Variants in DNAH2 observed in about 807,000 individuals in gnomAD.
DNAH2 encodes dynein axonemal heavy chain 2.
A neutral mutation model predicts 523.5 loss-of-function variants in DNAH2; 323 were observed. The observed-to-expected ratio is 0.62, with a 90% CI of 0.56 to 0.68. The LOEUF (loss-of-function observed/expected upper bound fraction) is 0.68, where lower values mean the gene tolerates loss of function less well. DNAH2 is among the 30% of genes least tolerant of loss of function. DNAH2 has a pLI of 0.00. For missense variants in DNAH2, 4,907 were observed against 5,701.5 expected, an observed-to-expected ratio of 0.86 and a Z score of 4.49; for synonymous variants, 2,093 against 2,177.4, an observed-to-expected ratio of 0.96 and a Z score of 1.08.
intron 2 of DNAH2, among the ~76,000 whole-genome samples, chr17:7,722,188 G>C (rs1414097634): frequency 1.7e-4 from 1 of 5,854 alleles, no homozygotes; most frequent in Non-Finnish European, 3.1e-4. Flanking sequence ...TTATAGAGAC[G>C]GGGGGGGGGG....
rs778062887 is a variant in DNAH2, at chr17:7,804,380, A to G, written c.9097A>G (p.Lys3033Glu). ...GTCGTTGGAGCTGGAGGATGCCAAG[A>G]AGAAGGTGGCTGAGTTCCAGAAGCA... is the stretch of plus-strand genomic sequence containing the variant. Reference protein sequence around the residue: ...VMSLELEDAKKKVAEFQKQCE... With the variant: ...VMSLELEDAKEKVAEFQKQCE... The change falls in exon 59 of 86, where the codon AAG becomes GAG. Residue 3033 changes from lysine (K) to glutamate (E), a missense_variant. Physicochemically the swap from Lys to Glu is moderately conservative, Grantham distance 56 (BLOSUM62 1). This residue lies in a region of DNAH2 where 1,851 missense variants were observed against 2,139.4 expected (regional missense o/e 0.87). Transcript: ENST00000572933. 6.8e-6 allele frequency: 11 copies of G among 1,614,154 alleles called. No homozygotes were observed. The highest frequency in any genetic ancestry group is 9.3e-6 in the Non-Finnish European group (11 of 1,180,026).
chr17:7,778,538 C>G (rs2076520160), intron 35 of DNAH2, 69 bp downstream of exon 35: 1 of 1,446,396 alleles, frequency 6.9e-7, no homozygotes, highest in East Asian at 2.4e-5. Context: ...TAAACTGAAA[C>G]CCAAATCTGG....
intron 2 of DNAH2, among the ~76,000 whole-genome samples, chr17:7,722,835 G>A (rs984397257): frequency 3.3e-5 from 5 of 152,026 alleles, no homozygotes; most frequent in Admixed American, 1.3e-4. Flanking sequence ...GAATAATGCT[G>A]CTACGAATGC....
chr17:7,734,897 A>G (rs1335757390), intron 7 of DNAH2, among the ~76,000 whole-genome samples, 189 bp downstream of exon 7: 1 of 151,884 alleles, frequency 6.6e-6, no homozygotes, highest in Non-Finnish European at 1.5e-5. Flanking sequence ...GGAGAGAGAC[A>G]TCAAGTTAAC....
At chr17:7,744,262 C>T (rs2075447971) in intron 12 of DNAH2, among the ~76,000 whole-genome samples, 1 of 148,046 alleles carries the variant, frequency 6.8e-6, no homozygotes, top group African/African-American at 2.5e-5. Context: ...CCATTGCACT[C>T]CAGCCTGGGC....
In DNAH2 at chr17:7,763,994, C is replaced by T. The variant is rs761722580; in HGVS notation, c.3142C>T (p.Leu1048=). The T allele has an allele frequency of 1.2e-5, 19 of 1,614,064 alleles. No individual in the cohort carries two copies. The highest frequency in any genetic ancestry group is 1.6e-5 in the Non-Finnish European group (19 of 1,180,018). ...CAGGGAGATGGCTGCTGGGCGCCTC[C>T]TGGAGCTGCACACCTACCTGAAGGA... The part of the protein sequence containing the change: ...LLREMAAGRL[L]ELHTYLKENA... Residue 1048 remains leucine (L), a synonymous_variant, in exon 19 of 86, where the codon CTG becomes TTG. Transcript: ENST00000572933.
In DNAH2 at chr17:7,736,963, CAA is replaced by C. The variant is rs1597482807; in HGVS notation, c.979-103_979-102del. ...CGCCATTGCACTCCAGCCCGGGTGA[CAA>C]GAGTAAAACTCCATCTAAAATAAAT... On this transcript the variant is annotated intron_variant, in intron 7 of 85. Transcript: ENST00000572933. 28 of 1,103,950 alleles carry C rather than the reference CAA, an allele frequency of 2.5e-5. No individual in the cohort carries two copies. In the East Asian group the frequency reaches 6.3e-4, roughly 25 times the overall value. The allele number at this position is 1,103,950 out of a possible 1,614,324, so 68.4% of individuals were successfully genotyped here. A position where few individuals can be genotyped will look rare whatever the true frequency, so the allele number is the denominator to read the frequency against.
chr17:7,788,841 C>T (rs529783925), intron 44 of DNAH2, among the ~76,000 whole-genome samples: 1 of 152,320 alleles, frequency 6.6e-6, no homozygotes, highest in East Asian at 1.9e-4. Flanking sequence ...GAACATATGT[C>T]ATTCCTGGTA....
At position 7,768,192 on chromosome 17, in the gene DNAH2, C is replaced by T. The variant is rs2076223436; in HGVS notation, c.3866C>T (p.Thr1289Ile). The change falls in exon 24 of 86, where the codon ACT (threonine) becomes ATT (isoleucine). Residue 1289 changes from threonine to isoleucine, a missense_variant. Transcript: ENST00000572933. Reference sequence around the variant, plus strand: ...CGAAACTGGGAAATTATTGAAACCACTCGCTCAAAAATAGAGCAGTTCAAG... The same window carrying T: ...CGAAACTGGGAAATTATTGAAACCATTCGCTCAAAAATAGAGCAGTTCAAG... ...KDRNWEIIET[T>I]RSKIEQFKRT... 1.2e-6 allele frequency: 2 copies of T among 1,614,200 alleles called. No homozygotes were observed.
At position 7,792,700 on chromosome 17, in the gene DNAH2, C is replaced by T. The variant is rs769442295; in HGVS notation, c.7189C>T (p.Arg2397Cys). The T allele has an allele frequency of 3.3e-5, 53 of 1,614,150 alleles. No individual in the cohort carries two copies. The highest frequency in any genetic ancestry group is 1.7e-4 in the Admixed American group (10 of 60,028). Reference sequence around the variant, plus strand: ...CATGGTGCCCACCGTCGACACTGTTCGCTACAACTACCTGGTGAGCAGCTT... The same window carrying T: ...CATGGTGCCCACCGTCGACACTGTTTGCTACAACTACCTGGTGAGCAGCTT... ...KIMVPTVDTV[R>C]YNYLVSSLVA... is the part of the protein sequence containing the mutation. The change falls in exon 47 of 86, where the codon CGC (arginine) becomes TGC (cysteine). Residue 2397 changes from arginine to cysteine, a missense_variant. Arg to Cys is a radical substitution (Grantham distance 180). Coordinates refer to ENST00000572933, the MANE Select transcript of DNAH2 (RefSeq NM_020877.5).
intron 39 of DNAH2, among the ~76,000 whole-genome samples, chr17:7,784,220 T>C (rs2076675921): frequency 6.6e-6 from 1 of 152,096 alleles, no homozygotes; most frequent in Non-Finnish European, 1.5e-5. Flanking sequence ...GTAGAGCAAA[T>C]TTTGCACAAT....
At chr17:7,833,317 C>T (rs899654944) in intron 85 of DNAH2, 62 bp from the exon 86 acceptor site, 1 of 1,608,692 alleles carries the variant, frequency 6.2e-7, no homozygotes, top group African/African-American at 1.3e-5. Context: ...CGCTCCTGCC[C>T]TGCTCCTGCC....
intron 44 of DNAH2, among the ~76,000 whole-genome samples, chr17:7,789,349 C>A (rs888063209): frequency 6.6e-6 from 1 of 152,066 alleles, no homozygotes; most frequent in Non-Finnish European, 1.5e-5. Flanking sequence ...AGGAGTCAGG[C>A]CTGGCAGGGC....
At chr17:7,752,122 A>C (rs994608092) in intron 12 of DNAH2, among the ~76,000 whole-genome samples, 1 of 129,362 alleles carries the variant, frequency 7.7e-6, no homozygotes, top group Non-Finnish European at 1.6e-5. Flanking sequence ...TTTTTCTTTC[A>C]ATTTATTTAA....
At chr17:7,804,813 T>A in intron 59 of DNAH2, 145 bp from the exon 60 acceptor site, 1 of 696,148 alleles carries the variant, frequency 1.4e-6, no homozygotes, top group South Asian at 1.9e-5. Context: ...ACCACTGCAC[T>A]CCAGCCTGGG....
Position 7,767,920 on chromosome 17 carries a change from A to C in DNAH2, c.3696A>C (p.Gln1232His). Residue 1232 changes from glutamine (Q) to histidine (H), a missense_variant, in exon 23 of 86, where the codon CAA (glutamine) becomes CAC (histidine). Physicochemically the swap from Gln to His is conservative, Grantham distance 24. Around this residue, in one of 3 missense-constraint regions of DNAH2, gnomAD observed 2,806 missense variants for 3,190.8 expected, o/e 0.88. Coordinates refer to ENST00000572933, the MANE Select transcript of DNAH2 (RefSeq NM_020877.5). ...NLEKELDALQ[Q>H]IWEIARDWEE... is the part of the protein sequence containing the mutation. ...TGTAGGAGCTCGATGCCCTCCAGCA[A>C]ATCTGGGAGATCGCACGAGACTGGG... 1 of 1,614,036 alleles carries C rather than the reference A, an allele frequency of 6.2e-7. No homozygotes were observed.
In DNAH2 at chr17:7,830,688, G is replaced by T; in HGVS notation, c.12076G>T (p.Asp4026Tyr). 6.2e-7 allele frequency: 1 copy of T among 1,614,188 alleles called. No individual in the cohort carries two copies. Among genetic ancestry groups the T allele is most frequent in the Non-Finnish European group, 8.5e-7 (1 of 1,180,036 alleles). The change falls in exon 79 of 86, where the codon GAT (aspartate) becomes TAT (tyrosine). Residue 4026 changes from aspartate (D) to tyrosine (Y), a missense_variant. Physicochemically the swap from Asp to Tyr is radical, Grantham distance 160. Around this residue, in one of 3 missense-constraint regions of DNAH2, gnomAD observed 1,851 missense variants for 2,139.4 expected, o/e 0.87. Coordinates refer to ENST00000572933, the MANE Select transcript of DNAH2 (RefSeq NM_020877.5). ...AGAAAACTTGCTGAGCCTCTATCTC[G>T]ATGAGTACGAGGAGACACCTTGGGA... is the stretch of plus-strand genomic sequence containing the variant. ...VSENLLSLYL[D>Y]EYEETPWDAL...
intron 50 of DNAH2, 111 bp downstream of exon 50, chr17:7,796,763 C>A: frequency 1.6e-6 from 2 of 1,246,210 alleles, no homozygotes; most frequent in Non-Finnish European, 2.2e-6. Flanking sequence ...AAGTCACCCC[C>A]ATGCTGAAGT....
intron 12 of DNAH2, among the ~76,000 whole-genome samples, chr17:7,756,280 A>T (rs1397572270): frequency 1.3e-5 from 2 of 151,370 alleles, no homozygotes; most frequent in Non-Finnish European, 2.9e-5. Flanking sequence ...TTAACTAATT[A>T]ATTTATTTAT....
Sources: allele counts gnomAD v4.1 joint callset (sites outside exome capture counted in the v4.1 genomes callset), GRCh38; gene constraint gnomAD v4.1.1; regional missense constraint gnomAD v4.1.1; transcripts MANE v1.5; gene names NCBI Gene and HGNC (gene_info 2026-07-23, HGNC 2026-07-21).